Variants in CYB561A3 observed in about 807,000 individuals in gnomAD.
CYB561A3 encodes lysosomal membrane ascorbate-dependent ferrireductase CYB561A3.
Under a neutral mutation model 25.3 loss-of-function variants are expected in CYB561A3, and 16 were observed. That is an observed-to-expected ratio of 0.63 (90% confidence interval 0.43 to 0.96). The LOEUF (loss-of-function observed/expected upper bound fraction) is 0.96, where lower values mean the gene tolerates loss of function less well. CYB561A3 is among the 40% of genes least tolerant of loss of function. CYB561A3 has a pLI of 0.00. For missense variants in CYB561A3, 219 were observed against 307.5 expected, an observed-to-expected ratio of 0.71 and a Z score of 2.15; for synonymous variants, 131 against 129.9, an observed-to-expected ratio of 1.01 and a Z score of -0.06.
intron 1 of CYB561A3, chr11:61,359,129 CAGG>C (rs1857748603): frequency 6.6e-6 from 1 of 150,760 alleles, no homozygotes; most frequent in South Asian, 2.1e-4. Context: ...GAGGCTGAGG[CAGG>C]AGAATTGCTT....
intron 5 of CYB561A3, chr11:61,352,657 T>A: frequency 2.2e-6 from 1 of 460,554 alleles, no homozygotes. Context: ...TGAGACTCCA[T>A]CTCAAAAAAA....
At chr11:61,355,370 G>A (rs1232435698) in intron 3 of CYB561A3, among the ~76,000 whole-genome samples, 2 of 152,108 alleles carry the variant, frequency 1.3e-5, no homozygotes, top group African/African-American at 4.8e-5. Context: ...TTGAAAGCAT[G>A]GGACAAAGAT....
rs1857322419 is a variant in CYB561A3, at chr11:61,350,000, G to A, written c.*399C>T. ...AAATCAGTCTGATTTCTTCAGACAG[G>A]AGCAGCAAGAGCGGCCAGAGCGAGG... On this transcript the variant is annotated 3_prime_UTR_variant, in exon 7 of 7. Transcript: ENST00000294072. 2.1e-6 allele frequency: 1 copy of A among 469,924 alleles called. No individual in the cohort carries two copies. Among genetic ancestry groups the A allele is most frequent in the Admixed American group, 3.4e-5 (1 of 29,166 alleles). 29.1% of individuals were successfully genotyped at this position (469,924 alleles called of 1,614,324 possible).
At chr11:61,354,929 C>T (rs1421361588) in intron 3 of CYB561A3, among the ~76,000 whole-genome samples, 3 of 146,982 alleles carry the variant, frequency 2.0e-5, no homozygotes, top group East Asian at 2.0e-4. Context: ...AGTGCAGCGG[C>T]GCAATCTCAG....
At chr11:61,350,505 G>A (rs1295831457) in intron 6 of CYB561A3, 83 bp from the exon 7 acceptor site, 79 of 1,550,122 alleles carry the variant, frequency 5.1e-5, no homozygotes, top group Admixed American at 7.6e-5. Flanking sequence ...CAGACCCCCA[G>A]CCTGCAGGGT....
intron 1 of CYB561A3, 97 bp from the exon 2 acceptor site, chr11:61,357,925 C>A (rs1283940956): frequency 1.3e-5 from 2 of 152,280 alleles, no homozygotes; most frequent in African/African-American, 4.8e-5. Flanking sequence ...CCCATTTACT[C>A]CTCTTAACCC....
At chr11:61,356,888 A>G (rs961630228) in intron 2 of CYB561A3, 160 bp from the exon 3 acceptor site, 13 of 1,446,518 alleles carry the variant, frequency 9.0e-6, no homozygotes, top group Non-Finnish European at 1.1e-5. Flanking sequence ...CGAGGCCTCA[A>G]TGCCTGGGTG....
intron 2 of CYB561A3, chr11:61,357,117 C>T: frequency 1.3e-6 from 2 of 1,509,004 alleles, no homozygotes; most frequent in Non-Finnish European, 1.8e-6. Context: ...AAAATCCAGG[C>T]TAAATTACGC....
intron 3 of CYB561A3, 154 bp downstream of exon 3, chr11:61,356,376 T>C (rs1857653545): frequency 8.7e-6 from 8 of 917,960 alleles, no homozygotes; most frequent in Admixed American, 6.0e-5. Flanking sequence ...AACCCCTTCC[T>C]CCCCCAAATG....
chr11:61,355,148 G>T (rs377353761), intron 3 of CYB561A3, among the ~76,000 whole-genome samples: 5 of 152,036 alleles, frequency 3.3e-5, no homozygotes, highest in African/African-American at 9.7e-5. Context: ...GATTACAGGC[G>T]TGAGCCACCA....
chr11:61,352,919 G>C, intron 5 of CYB561A3, 66 bp downstream of exon 5: 2 of 1,612,866 alleles, frequency 1.2e-6, no homozygotes, highest in Non-Finnish European at 1.7e-6. Context: ...GTGATCACAG[G>C]GTGTATCTTT....
intron 5 of CYB561A3, chr11:61,352,753 G>C (rs767074747): frequency 2.3e-4 from 310 of 1,328,600 alleles, no homozygotes; most frequent in Non-Finnish European, 2.9e-4. Flanking sequence ...AAGGTGCTTA[G>C]TACTGTTTCT....
Position 61,351,140 on chromosome 11 carries a change from T to A in CYB561A3, c.556A>T (p.Thr186Ser). The A allele has an allele frequency of 1.9e-6, 3 of 1,606,878 alleles. No individual in the cohort carries two copies. The highest frequency in any genetic ancestry group is 2.5e-6 in the Non-Finnish European group (3 of 1,177,442). The change falls in exon 6 of 7, where the codon ACC becomes TCC. Residue 186 changes from threonine to serine, a missense_variant. Coordinates refer to ENST00000294072, the MANE Select transcript of CYB561A3 (RefSeq NM_153611.6). ...NEKLFFSLKN[T>S]TRPYHSLPSE... ...GGCAGGCTGTGGTATGGCCTGGTGG[T>A]GTTTTTCCTGAAGATGACAAAACAA...
intron 1 of CYB561A3, chr11:61,360,444 C>G (rs1168789196): frequency 1.3e-5 from 2 of 152,192 alleles, no homozygotes; most frequent in Non-Finnish European, 2.9e-5. Flanking sequence ...TGGTCTGTCA[C>G]AACTATGTCA....
In CYB561A3 at chr11:61,351,012, C is replaced by T. The variant is rs373420741; in HGVS notation, c.684G>A (p.Pro228=). The change falls in exon 6 of 7, where the codon CCG becomes CCA. Residue 228 remains proline, a synonymous_variant. Coordinates refer to ENST00000294072, the MANE Select transcript of CYB561A3 (RefSeq NM_153611.6). ...LLASSWKRPE[P]GILTDRQPLL... is the part of the protein sequence containing the mutation. ...ATACCTGTCTGTCGGTCAGGATCCC[C>T]GGCTCTGGGCGCTTCCAAGATGAAG... 9 of 1,613,556 alleles carry T rather than the reference C, an allele frequency of 5.6e-6. No homozygotes were observed. The highest frequency in any genetic ancestry group is 2.2e-5 in the East Asian group (1 of 44,852).
chr11:61,352,930 T>C, intron 5 of CYB561A3, 55 bp downstream of exon 5: 1 of 1,613,568 alleles, frequency 6.2e-7, no homozygotes, highest in South Asian at 1.1e-5. Context: ...GTGTATCTTT[T>C]GAAGACCCTA....
intron 3 of CYB561A3, among the ~76,000 whole-genome samples, chr11:61,355,344 G>GC (rs1174059218): frequency 6.6e-6 from 1 of 152,118 alleles, no homozygotes; most frequent in African/African-American, 2.4e-5. Context: ...GCTCACCAGG[G>GC]CCCCAAGGCA....
At chr11:61,359,435 T>C (rs1857764384) in intron 1 of CYB561A3, 1 of 151,558 alleles carries the variant, frequency 6.6e-6, no homozygotes, top group Non-Finnish European at 1.5e-5. Flanking sequence ...CCTAAAACAC[T>C]CTCCATCCCT....
At chr11:61,356,342 C>A (rs1857652055) in intron 3 of CYB561A3, 188 bp downstream of exon 3, 1 of 780,198 alleles carries the variant, frequency 1.3e-6, no homozygotes, top group East Asian at 2.7e-5. Flanking sequence ...TGTGAAGCCA[C>A]CCTTCTGAGA....
Sources: gnomAD v4.1 joint callset for allele counts (sites outside exome capture counted in the v4.1 genomes callset) on GRCh38, gnomAD v4.1.1 for gene constraint, MANE v1.5 for transcripts, NCBI Gene and HGNC (gene_info 2026-07-23, HGNC 2026-07-21) for gene names.